Variants in TOX observed in about 807,000 individuals in gnomAD.
TOX encodes the protein thymocyte selection associated high mobility group box.
Under a neutral mutation model 53.7 loss-of-function variants are expected in TOX, and 11 were observed. That is an observed-to-expected ratio of 0.20 (90% confidence interval 0.13 to 0.34). TOX has a LOEUF of 0.34. TOX is among the 10% of genes least tolerant of loss of function. The probability of loss-of-function intolerance (pLI) is 1.00; values close to 1 mark genes in which losing one functional copy is unlikely to be tolerated. For missense variants in TOX, 570 were observed against 664.6 expected (o/e 0.86, Z 1.56); for synonymous variants, 225 against 245.3 (o/e 0.92, Z 0.77).
chr8:59,097,025 A>G (rs1373588211), intron 1 of TOX, among the ~76,000 whole-genome samples: 1 of 152,208 alleles, frequency 6.6e-6, no homozygotes, highest in Non-Finnish European at 1.5e-5. Flanking sequence ...ACTGGAGCCA[A>G]CTATAAACAA....
chr8:59,066,860 C>G (rs1804102812), intron 1 of TOX, among the ~76,000 whole-genome samples: 1 of 152,126 alleles, frequency 6.6e-6, no homozygotes, highest in Non-Finnish European at 1.5e-5. Flanking sequence ...TCATTATGAC[C>G]AAAAGCTCAT....
chr8:59,009,780 C>A (rs1563417000), intron 1 of TOX, among the ~76,000 whole-genome samples: 1 of 152,142 alleles, frequency 6.6e-6, no homozygotes, highest in Non-Finnish European at 1.5e-5. Context: ...CTCAGCCCAC[C>A]ACCTCAAAGC....
intron 3 of TOX, among the ~76,000 whole-genome samples, chr8:58,893,110 A>G (rs1811585222): frequency 6.6e-6 from 1 of 152,176 alleles, no homozygotes. Flanking sequence ...TAACTCAGCA[A>G]TCTGTAACTG....
chr8:58,989,258 G>A (rs1363583579), intron 1 of TOX, among the ~76,000 whole-genome samples: 2 of 152,048 alleles, frequency 1.3e-5, no homozygotes, highest in Non-Finnish European at 2.9e-5. Context: ...GGAGGTGGCA[G>A]GGAGCCGAGA....
rs538696588 is a variant in TOX, at chr8:59,069,194, A to T, written c.102+49692T>A. Among the ~76,000 whole-genome samples, 4 of 152,296 alleles carry T rather than the reference A, an allele frequency of 2.6e-5. No homozygotes were observed. In the East Asian group the frequency reaches 7.7e-4, roughly 29 times the overall value. ...TGCGAGGGGAAGTGTTGAAGGATAG[A>T]GGGGTAGCAAATAAGAGAGAAATTA... On this transcript the variant is annotated intron_variant, in intron 1 of 8. Coordinates refer to ENST00000361421, the MANE Select transcript of TOX (RefSeq NM_014729.3).
intron 1 of TOX, among the ~76,000 whole-genome samples, chr8:58,984,656 G>A (rs978299429): frequency 1.1e-4 from 17 of 152,086 alleles, no homozygotes; most frequent in Non-Finnish European, 2.5e-4. Flanking sequence ...GGTGGCGGGC[G>A]TCTGTAGTCC....
At chr8:58,858,791 T>C (rs1163666563) in intron 3 of TOX, among the ~76,000 whole-genome samples, 1 of 152,208 alleles carries the variant, frequency 6.6e-6, no homozygotes, top group Non-Finnish European at 1.5e-5. Context: ...CATAGCACCT[T>C]AAGAAAAACT....
intron 1 of TOX, among the ~76,000 whole-genome samples, chr8:59,025,477 TTTACG>T (rs147762333): frequency 0.55 from 82,399 of 151,186 alleles, 24,435 homozygotes; most frequent in Non-Finnish European, 0.69. Context: ...AGCAGCAAAG[TTTACG>T]TTCTTAGCCA....
intron 1 of TOX, among the ~76,000 whole-genome samples, chr8:59,114,363 T>C (rs906457525): frequency 3.3e-5 from 5 of 152,204 alleles, no homozygotes; most frequent in East Asian, 1.9e-4. Context: ...ACATTTAAAA[T>C]TGAATTTGCA....
chr8:59,118,083 C>A lies in TOX; in HGVS notation c.102+803G>T, dbSNP rs1805138177. On this transcript the variant is annotated intron_variant, in intron 1 of 8. Coordinates refer to ENST00000361421, the MANE Select transcript of TOX (RefSeq NM_014729.3). This position sits in a 1 kb window ranked among gnomAD's most constrained non-coding sequence, Gnocchi z 4.1. ...CCCACCTCCGGGTCACCGGCATGAT[C>A]CGCCTCTCCCCGGGCCCCCGCGGCC... is the stretch of plus-strand genomic sequence containing the variant. Among the ~76,000 whole-genome samples the A allele has an allele frequency of 4.6e-5, 7 of 152,218 alleles. No individual in the cohort carries two copies. The South Asian group carries it at 1.4e-3, about 31-fold the overall frequency.
intron 1 of TOX, among the ~76,000 whole-genome samples, chr8:59,030,488 GA>G (rs1465210366): frequency 6.6e-6 from 1 of 152,114 alleles, no homozygotes. Flanking sequence ...GAAGCTCTAC[GA>G]AATGGAAAAA....
At chr8:58,840,728 A>G (rs994820694) in intron 4 of TOX, among the ~76,000 whole-genome samples, 1 of 152,100 alleles carries the variant, frequency 6.6e-6, no homozygotes, top group African/African-American at 2.4e-5. Context: ...AACTCCTCCA[A>G]GTGGTTGGCT....
intron 5 of TOX, among the ~76,000 whole-genome samples, chr8:58,836,927 T>C (rs1475054877): frequency 6.6e-6 from 1 of 152,224 alleles, no homozygotes; most frequent in Non-Finnish European, 1.5e-5. Flanking sequence ...AATAAATGAA[T>C]GAATTTAATT....
chr8:58,911,598 T>C (rs1210590730), intron 3 of TOX, among the ~76,000 whole-genome samples: 1 of 152,220 alleles, frequency 6.6e-6, no homozygotes, highest in Non-Finnish European at 1.5e-5. Context: ...ATAGACTAAA[T>C]GCTGACATGG....
At chr8:58,975,794 C>G (rs191236503) in intron 1 of TOX, among the ~76,000 whole-genome samples, 136 of 152,146 alleles carry the variant, frequency 8.9e-4, no homozygotes, top group African/African-American at 2.9e-3. Flanking sequence ...AGACAATAGG[C>G]CAGGCGCAGT....
chr8:58,941,878 C>A (rs554716926), intron 2 of TOX, among the ~76,000 whole-genome samples: 2 of 151,874 alleles, frequency 1.3e-5, no homozygotes, highest in East Asian at 3.9e-4. Flanking sequence ...TATGGTGAAA[C>A]CCCATCTCTA....
chr8:58,998,958 T>C (rs140226776), intron 1 of TOX, among the ~76,000 whole-genome samples: 2,146 of 152,256 alleles, frequency 0.014, 24 homozygotes, highest in Non-Finnish European at 0.023. Context: ...GTTCAATCTG[T>C]TACTTCCTAG....
intron 3 of TOX, among the ~76,000 whole-genome samples, chr8:58,877,623 T>C (rs148362803): frequency 7.2e-5 from 11 of 152,298 alleles, no homozygotes; most frequent in Non-Finnish European, 1.2e-4. Flanking sequence ...CAAAGATATA[T>C]GTAATCAGGG....
intron 1 of TOX, among the ~76,000 whole-genome samples, chr8:59,010,229 A>G (rs1390712590): frequency 6.6e-6 from 1 of 152,202 alleles, no homozygotes. Flanking sequence ...AGCATACTTA[A>G]TCTTAGATCA....
Sources: allele counts gnomAD v4.1 joint callset (sites outside exome capture counted in the v4.1 genomes callset), GRCh38; gene constraint gnomAD v4.1.1; non-coding constraint Gnocchi (gnomAD v3.1); transcripts MANE v1.5; gene names NCBI Gene and HGNC (gene_info 2026-07-23, HGNC 2026-07-21).